Variants in FOXK1 observed in about 807,000 individuals in gnomAD.
The protein encoded by FOXK1 is forkhead box protein K1.
Under a neutral mutation model 51.9 loss-of-function variants are expected in FOXK1, and 19 were observed. The observed-to-expected ratio is 0.37, with a 90% CI of 0.26 to 0.54. FOXK1 has a LOEUF of 0.54. Among genes scored for constraint, FOXK1 ranks in the 20% least tolerant of loss-of-function variants. The pLI, the probability that FOXK1 is intolerant of heterozygous loss-of-function variation, is 0.87. For missense variants in FOXK1, 870 were observed against 1,032.7 expected (o/e 0.84, Z 2.16); for synonymous variants, 537 against 482.6 (o/e 1.11, Z -1.48).
rs6953863 is a variant in FOXK1, at chr7:4,695,337, C to T, written c.560+12469C>T. 3.3e-3 allele frequency among the ~76,000 whole-genome samples: 505 copies of T among 152,336 alleles called. 4 individuals carry two copies. Among genetic ancestry groups the T allele is most frequent in the African/African-American group, 0.012 (486 of 41,578 alleles). On this transcript the variant is annotated intron_variant, in intron 1 of 8. Transcript: ENST00000328914. ...AGAATATCCAGCTTCCTTTGCAATT[C>T]TCTTTTTCTCTGTAAATTGTGGTGT... is the stretch of plus-strand genomic sequence containing the variant.
At position 4,755,625 on chromosome 7, in the gene FOXK1, GGA is replaced by G. The variant is rs1780836962; in HGVS notation, c.1050+244_1050+245del. On this transcript the variant is annotated intron_variant, in intron 4 of 8. Transcript: ENST00000328914. The surrounding 1 kb of genome is among the most constrained non-coding windows in gnomAD (Gnocchi z 6.6). The stretch of plus-strand genomic sequence containing the variant: ...TGCACACCTGTGGTCGCAGCTACTC[GGA>G]GGCTGAGGTGGGAGGATCACTTGAG... Among the ~76,000 whole-genome samples the G allele has an allele frequency of 6.6e-6, 1 of 152,178 alleles. No homozygotes were observed.
In FOXK1 at chr7:4,735,496, T is replaced by C. The variant is rs1194012382; in HGVS notation, c.561-5342T>C. On this transcript the variant is annotated intron_variant, in intron 1 of 8. Coordinates refer to ENST00000328914, the MANE Select transcript of FOXK1 (RefSeq NM_001037165.2). The surrounding 1 kb of genome is among the most constrained non-coding windows in gnomAD (Gnocchi z 4.7). ...CTAGAAAGAACCCCCTAGCTCTTAG[T>C]CATTCTCCGTCCCCCCTGCCTGTCC... Among the ~76,000 whole-genome samples, 1 of 152,128 alleles carries C rather than the reference T, an allele frequency of 6.6e-6. No individual in the cohort carries two copies. Among genetic ancestry groups the C allele is most frequent in the Non-Finnish European group, 1.5e-5 (1 of 68,024 alleles).
At chr7:4,710,462 C>T (rs1461542729) in intron 1 of FOXK1, among the ~76,000 whole-genome samples, 1 of 152,194 alleles carries the variant, frequency 6.6e-6, no homozygotes, top group Non-Finnish European at 1.5e-5. Context: ...GTAATCCCAG[C>T]TCCTCCGGAG....
chr7:4,730,556 A>C lies in FOXK1; in HGVS notation c.561-10282A>C, dbSNP rs1225544514. ...ATGGACGTTTGTGTTGCTGTCAGGG[A>C]CCTTGCCGACCCAGCCCCCGCCCCG... is the stretch of plus-strand genomic sequence containing the variant. On this transcript the variant is annotated intron_variant, in intron 1 of 8. Transcript: ENST00000328914. This position sits in a 1 kb window ranked among gnomAD's most constrained non-coding sequence, Gnocchi z 4.7. 2.6e-5 allele frequency among the ~76,000 whole-genome samples: 4 copies of C among 151,830 alleles called. No homozygotes were observed. Among genetic ancestry groups the C allele is most frequent in the Non-Finnish European group, 4.4e-5 (3 of 67,920 alleles).
intron 1 of FOXK1, among the ~76,000 whole-genome samples, chr7:4,687,535 C>T (rs1005702805): frequency 5.9e-5 from 9 of 152,106 alleles, no homozygotes; most frequent in African/African-American, 2.2e-4. Flanking sequence ...TCAGGTGATC[C>T]ACCCGCCTTG....
rs1439020059 is a variant in FOXK1, at chr7:4,771,177, G to GTT, written c.*8716_*8717dup. 6.6e-6 allele frequency: 1 copy of GTT among 152,430 alleles called. No homozygotes were observed. The highest frequency in any genetic ancestry group is 1.5e-5 in the Non-Finnish European group (1 of 68,008). The allele number at this position is 152,430 out of a possible 1,614,324, so 9.4% of individuals were successfully genotyped here. On this transcript the variant is annotated 3_prime_UTR_variant, in exon 9 of 9. Coordinates refer to ENST00000328914, the MANE Select transcript of FOXK1 (RefSeq NM_001037165.2). ...CCCATGTCAACAGCAGGCAACCTGT[G>GTT]TTTTCATTTCAAGTGGGATACAGTA...
Position 4,756,607 on chromosome 7 carries a change from A to G in FOXK1, c.1051-387A>G, listed in dbSNP as rs895092392. On this transcript the variant is annotated intron_variant, in intron 4 of 8. Transcript: ENST00000328914. This position sits in a 1 kb window ranked among gnomAD's most constrained non-coding sequence, Gnocchi z 4.1. ...GTGAGACCCCATCTCAACTAAAAAT[A>G]CAAAAAAATCAACCCAGCATGGTGG... Among the ~76,000 whole-genome samples the G allele has an allele frequency of 6.6e-6, 1 of 151,880 alleles. No homozygotes were observed. The highest frequency in any genetic ancestry group is 1.5e-5 in the Non-Finnish European group (1 of 67,944).
intron 1 of FOXK1, among the ~76,000 whole-genome samples, chr7:4,739,754 T>G (rs758402821): frequency 6.6e-6 from 1 of 152,210 alleles, no homozygotes; most frequent in African/African-American, 2.4e-5. Flanking sequence ...GTGGAATTGC[T>G]CCTTCCGTTG....
chr7:4,690,721 T>C (rs930601834), intron 1 of FOXK1, among the ~76,000 whole-genome samples: 1 of 152,244 alleles, frequency 6.6e-6, no homozygotes, highest in Non-Finnish European at 1.5e-5. Flanking sequence ...TGTTCATATT[T>C]AGTACTTTTG....
At chr7:4,746,999 C>T (rs1780711151) in intron 2 of FOXK1, among the ~76,000 whole-genome samples, 1 of 152,164 alleles carries the variant, frequency 6.6e-6, no homozygotes, top group Non-Finnish European at 1.5e-5. Flanking sequence ...GACTTTCTGT[C>T]TTCCTTTTAT....
intron 1 of FOXK1, 52 bp from the exon 2 acceptor site, chr7:4,740,786 G>A (rs551719203): frequency 3.0e-5 from 46 of 1,542,900 alleles, no homozygotes; most frequent in African/African-American, 1.1e-4. Flanking sequence ...GGGTGTTGGC[G>A]TCTTCTTGAG....
intron 2 of FOXK1, among the ~76,000 whole-genome samples, chr7:4,741,860 T>G (rs938222694): frequency 6.6e-6 from 1 of 152,226 alleles, no homozygotes; most frequent in Non-Finnish European, 1.5e-5. Flanking sequence ...AGCCCTAGAC[T>G]GAGTCACACA....
chr7:4,701,203 T>G (rs1780017298), intron 1 of FOXK1, among the ~76,000 whole-genome samples: 1 of 152,102 alleles, frequency 6.6e-6, no homozygotes, highest in Non-Finnish European at 1.5e-5. Flanking sequence ...AGGGGTTTGT[T>G]TTCTTGTGTT....
rs114217702 is a variant in FOXK1, at chr7:4,725,794, G to T, written c.561-15044G>T. Among the ~76,000 whole-genome samples, 425 of 152,354 alleles carry T rather than the reference G, an allele frequency of 2.8e-3. 1 individual carries two copies. Among genetic ancestry groups the T allele is most frequent in the African/African-American group, 9.8e-3 (409 of 41,584 alleles). The stretch of plus-strand genomic sequence containing the variant: ...AGGTTTCAGTTCTTCAGGGCAACAG[G>T]CTGGGATCCAGGCAAGGTGCCTGCA... On this transcript the variant is annotated intron_variant, in intron 1 of 8. Transcript: ENST00000328914.
In FOXK1 at chr7:4,759,215, C is replaced by T. The variant is rs1350150893; in HGVS notation, c.1409C>T (p.Pro470Leu). Residue 470 changes from proline (P) to leucine (L), a missense_variant and splice_region_variant, in exon 6 of 9, where the codon CCC becomes CTC. Pro to Leu is a moderately conservative substitution (Grantham distance 98). Transcript: ENST00000328914. ...VPEYRYSQSA[P>L]GSPVSAQPVI... ...GAGTACCGGTATTCCCAAAGCGCAC[C>T]CGGTAAGGAGCGGGCGGCCCTCTTG... 6.2e-7 allele frequency: 1 copy of T among 1,612,206 alleles called. No homozygotes were observed.
In FOXK1 at chr7:4,747,385, C is replaced by G. The variant is rs1780718283; in HGVS notation, c.746+6362C>G. Among the ~76,000 whole-genome samples the G allele has an allele frequency of 6.6e-6, 1 of 152,242 alleles. No individual in the cohort carries two copies. The highest frequency in any genetic ancestry group is 1.5e-5 in the Non-Finnish European group (1 of 68,040). On this transcript the variant is annotated intron_variant, in intron 2 of 8. Transcript: ENST00000328914. This position sits in a 1 kb window ranked among gnomAD's most constrained non-coding sequence, Gnocchi z 9.2. ...AAGCACCCACTCAGCTCTGTGAGGT[C>G]TATGCCTAACATGAGAGCAGCTCCT...
chr7:4,698,166 G>A (rs6968314), intron 1 of FOXK1, among the ~76,000 whole-genome samples: 164 of 152,134 alleles, frequency 1.1e-3, no homozygotes, highest in African/African-American at 3.5e-3. Flanking sequence ...AAAGTTGCAC[G>A]CCTCCAAAAA....
chr7:4,710,548 T>C (rs368912815), intron 1 of FOXK1, among the ~76,000 whole-genome samples: 14 of 152,146 alleles, frequency 9.2e-5, no homozygotes, highest in Admixed American at 1.3e-4. Flanking sequence ...GCACTCCAGC[T>C]TGGGCAACAG....
In FOXK1 at chr7:4,736,062, T is replaced by A. The variant is rs111820455; in HGVS notation, c.561-4776T>A. 6.7e-3 allele frequency among the ~76,000 whole-genome samples: 1,012 copies of A among 152,132 alleles called. 8 individuals carry two copies. The highest frequency in any genetic ancestry group is 0.021 in the African/African-American group (871 of 41,520). ...TACTCAGGAGGCTGAGGCAGGAGAA[T>A]CCCTTGAACCTGGGAGGCGGAGGTT... On this transcript the variant is annotated intron_variant, in intron 1 of 8. Coordinates refer to ENST00000328914, the MANE Select transcript of FOXK1 (RefSeq NM_001037165.2).
Sources: allele counts gnomAD v4.1 joint callset (sites outside exome capture counted in the v4.1 genomes callset), GRCh38; gene constraint gnomAD v4.1.1; non-coding constraint Gnocchi (gnomAD v3.1); transcripts MANE v1.5; gene names NCBI Gene and HGNC (gene_info 2026-07-23, HGNC 2026-07-21).